Variants in CTXN3 observed in about 807,000 individuals in gnomAD.
CTXN3 encodes cortexin 3.
Under a neutral mutation model 5.0 loss-of-function variants are expected in CTXN3, and 4 were observed. The ratio of observed to expected loss-of-function variants is 0.79; its 90% CI spans 0.39 to 1.82. The LOEUF is 1.82. Among genes scored for constraint, CTXN3 ranks in the 40% most tolerant of loss-of-function variants. CTXN3 has a pLI of 0.04. For synonymous variants in CTXN3, 48 were observed against 38.6 expected (o/e 1.24, Z -0.91); for missense variants, 89 against 99.7 (o/e 0.89, Z 0.46).
rs1749961981 is a variant in CTXN3 at position 127,658,257 on chromosome 5, G to A, written c.*490G>A. The A allele has an allele frequency of 5.9e-6, 1 of 168,720 alleles. No homozygotes were observed. 10.5% of individuals were successfully genotyped at this position (168,720 alleles called of 1,614,324 possible). The stretch of plus-strand genomic sequence containing the variant: ...CTGAATGGACCCAAAGTAGTTTCTT[G>A]TTTTCTCCCAAAGCAGGGAGCTTTG... On this transcript the variant is annotated 3_prime_UTR_variant, in exon 3 of 3. Coordinates refer to ENST00000379445, the MANE Select transcript of CTXN3 (RefSeq NM_001048252.3).
At position 127,657,783 on chromosome 5, in the gene CTXN3, A is replaced by G. The variant is rs1749950756; in HGVS notation, c.*16A>G. 2 of 1,613,572 alleles carry G rather than the reference A, an allele frequency of 1.2e-6. No individual in the cohort carries two copies. Among genetic ancestry groups the G allele is most frequent in the South Asian group, 1.1e-5 (1 of 90,990 alleles). The stretch of plus-strand genomic sequence containing the variant: ...CCTTGCTTAGGAGGGATGGTGTGGG[A>G]TCTCCTCCTGAGGAGATGAAGTGCT... On this transcript the variant is annotated 3_prime_UTR_variant, in exon 3 of 3. Transcript: ENST00000379445.
At chr5:127,655,259 G>A (rs188222514) in intron 2 of CTXN3, among the ~76,000 whole-genome samples, 36 of 152,110 alleles carry the variant, frequency 2.4e-4, no homozygotes, top group African/African-American at 7.9e-4. Context: ...GCGAAACTCC[G>A]TCTCAAAATA....
Position 127,658,033 on chromosome 5 carries a change from A to T in CTXN3, c.*266A>T. 2.3e-6 allele frequency: 1 copy of T among 433,816 alleles called. No homozygotes were observed. Among genetic ancestry groups the T allele is most frequent in the South Asian group, 2.6e-5 (1 of 39,136 alleles). 26.9% of individuals were successfully genotyped at this position (433,816 alleles called of 1,614,324 possible). On this transcript the variant is annotated 3_prime_UTR_variant, in exon 3 of 3. Coordinates refer to ENST00000379445, the MANE Select transcript of CTXN3 (RefSeq NM_001048252.3). ...ACTCTTAAAATTGTGTGATTGTGAAACCAAGAGCGTTAATACTGACATAGA... is the reference window on the plus strand; with the variant it reads ...ACTCTTAAAATTGTGTGATTGTGAATCCAAGAGCGTTAATACTGACATAGA...
intron 2 of CTXN3, among the ~76,000 whole-genome samples, chr5:127,656,388 A>C (rs182729372): frequency 1.3e-5 from 2 of 152,298 alleles, no homozygotes; most frequent in Non-Finnish European, 2.9e-5. Flanking sequence ...TTCCACCAGT[A>C]AAATTAAAAT....
chr5:127,657,947 A>C lies in CTXN3; in HGVS notation c.*180A>C. 1 of 670,356 alleles carries C rather than the reference A, an allele frequency of 1.5e-6. No homozygotes were observed. Among genetic ancestry groups the C allele is most frequent in the South Asian group, 2.0e-5 (1 of 49,742 alleles). 41.5% of individuals were successfully genotyped at this position (670,356 alleles called of 1,614,324 possible). ...ACATTTGAGGATGTTGGAAATGGAC[A>C]CTTATATAACTAATCCAACATAAGA... is the stretch of plus-strand genomic sequence containing the variant. On this transcript the variant is annotated 3_prime_UTR_variant, in exon 3 of 3. Coordinates refer to ENST00000379445, the MANE Select transcript of CTXN3 (RefSeq NM_001048252.3).
At chr5:127,650,281 C>A (rs949252078) in intron 1 of CTXN3, among the ~76,000 whole-genome samples, 1 of 152,148 alleles carries the variant, frequency 6.6e-6, no homozygotes, top group Non-Finnish European at 1.5e-5. Context: ...GCAGTGGGGG[C>A]TGGCAACAGT....
At chr5:127,652,173 C>T (rs1052928889) in intron 1 of CTXN3, 10 of 152,172 alleles carry the variant, frequency 6.6e-5, no homozygotes, top group African/African-American at 2.4e-4. Context: ...TAACTTATGG[C>T]TCTTCAAATT....
intron 1 of CTXN3, among the ~76,000 whole-genome samples, chr5:127,651,538 A>G (rs1749787167): frequency 1.3e-5 from 2 of 152,144 alleles, no homozygotes; most frequent in African/African-American, 4.8e-5. Flanking sequence ...GTTTATTTAT[A>G]ATTTTCATAC....
At chr5:127,656,712 C>G (rs936803491) in intron 2 of CTXN3, among the ~76,000 whole-genome samples, 1 of 152,138 alleles carries the variant, frequency 6.6e-6, no homozygotes, top group African/African-American at 2.4e-5. Context: ...CAACACTTGG[C>G]TTTGTTTGTT....
At chr5:127,657,108 G>C (rs1749926384) in intron 2 of CTXN3, among the ~76,000 whole-genome samples, 1 of 152,176 alleles carries the variant, frequency 6.6e-6, no homozygotes, top group South Asian at 2.1e-4. Context: ...GACTTGGCAG[G>C]GGAGGCTGGG....
In CTXN3 at chr5:127,657,655, T is replaced by C. The variant is rs758548194; in HGVS notation, c.134T>C (p.Ile45Thr). Residue 45 changes from isoleucine (I) to threonine (T), a missense_variant, in exon 3 of 3, where the codon ATT (isoleucine) becomes ACT (threonine). Coordinates refer to ENST00000379445, the MANE Select transcript of CTXN3 (RefSeq NM_001048252.3). ...TTGTTTATTTTCTTGGGCATTCTCA[T>C]TGTCCGGTGCTTCCGGATTCTTTTG... ...ILLFIFLGIL[I>T]VRCFRILLDP... 5.6e-6 allele frequency: 9 copies of C among 1,614,096 alleles called. No individual in the cohort carries two copies. Among genetic ancestry groups the C allele is most frequent in the East Asian group, 2.2e-5 (1 of 44,888 alleles).
intron 2 of CTXN3, among the ~76,000 whole-genome samples, chr5:127,656,706 A>G (rs1017932458): frequency 1.3e-5 from 2 of 152,194 alleles, no homozygotes; most frequent in African/African-American, 4.8e-5. Flanking sequence ...GTGAAGCAAC[A>G]CTTGGCTTTG....
chr5:127,650,411 T>TA (rs1749760965), intron 1 of CTXN3, among the ~76,000 whole-genome samples: 1 of 152,208 alleles, frequency 6.6e-6, no homozygotes, highest in Non-Finnish European at 1.5e-5. Context: ...TATTTACCCT[T>TA]AGCCCCCCTT....
chr5:127,652,906 A>G (rs1749814112), intron 1 of CTXN3: 1 of 152,132 alleles, frequency 6.6e-6, no homozygotes, highest in African/African-American at 2.4e-5. Context: ...TAAAAATAAA[A>G]CTCAGATCTT....
chr5:127,651,201 G>A (rs1749778403), intron 1 of CTXN3, among the ~76,000 whole-genome samples: 2 of 152,206 alleles, frequency 1.3e-5, no homozygotes, highest in African/African-American at 4.8e-5. Context: ...TCTATCACAT[G>A]TGAATGGAAA....
intron 1 of CTXN3, among the ~76,000 whole-genome samples, chr5:127,649,705 C>T (rs998034665): frequency 5.4e-5 from 8 of 148,092 alleles, no homozygotes; most frequent in Non-Finnish European, 1.1e-4. Context: ...TGCCCATTAT[C>T]GTATTTTTTT....
At chr5:127,654,161 G>T (rs1253642264) in intron 2 of CTXN3, among the ~76,000 whole-genome samples, 1 of 152,158 alleles carries the variant, frequency 6.6e-6, no homozygotes, top group East Asian at 1.9e-4. Context: ...TTGATACTTT[G>T]ACCAAAAGCA....
chr5:127,650,202 C>T (rs1749755269), intron 1 of CTXN3, among the ~76,000 whole-genome samples: 1 of 152,120 alleles, frequency 6.6e-6, no homozygotes, highest in Admixed American at 6.6e-5. Flanking sequence ...AGGGTCCACT[C>T]CCAGCCCAAG....
chr5:127,657,023 C>T (rs1749922894), intron 2 of CTXN3, among the ~76,000 whole-genome samples: 1 of 152,198 alleles, frequency 6.6e-6, no homozygotes, highest in South Asian at 2.1e-4. Context: ...TGTGCTGACA[C>T]ATAGCTGAGG....
Sources: allele counts gnomAD v4.1 joint callset (sites outside exome capture counted in the v4.1 genomes callset), GRCh38; gene constraint gnomAD v4.1.1; transcripts MANE v1.5; gene names NCBI Gene and HGNC (gene_info 2026-07-23, HGNC 2026-07-21).